The following ANO2 variants were observed in gnomAD, a reference collection of about 807,000 sequenced individuals.
The protein encoded by ANO2 is anoctamin-2.
ANO2 carries 101 observed loss-of-function variants against 124.2 expected under a neutral mutation model. The ratio of observed to expected loss-of-function variants is 0.81; its 90% CI spans 0.69 to 0.96. The LOEUF (loss-of-function observed/expected upper bound fraction) is 0.96. Among genes scored for constraint, ANO2 ranks in the 40% least tolerant of loss-of-function variants. ANO2 has a pLI of 0.00. For missense variants in ANO2, 1,293 were observed against 1,274.5 expected (o/e 1.01, Z -0.22); for synonymous variants, 486 against 482.5 (o/e 1.01, Z -0.09).
chr12:5,747,138 G>A (rs906049534), intron 11 of ANO2, among the ~76,000 whole-genome samples: 1 of 152,186 alleles, frequency 6.6e-6, no homozygotes, highest in Non-Finnish European at 1.5e-5. Flanking sequence ...AGAAGTGCAC[G>A]CTGGGCCCCT....
chr12:5,923,244 G>GCACACACACCCA (rs1941903495), intron 1 of ANO2, among the ~76,000 whole-genome samples: 2 of 110,402 alleles, frequency 1.8e-5, no homozygotes, highest in East Asian at 2.8e-4. Flanking sequence ...ATACACACAC[G>GCACACACACCCA]CATACACACA....
intron 12 of ANO2, among the ~76,000 whole-genome samples, chr12:5,743,472 CGT>C (rs112084814): frequency 0.081 from 12,046 of 149,484 alleles, 630 homozygotes; most frequent in Admixed American, 0.16. Context: ...TGAGAATAGG[CGT>C]GTGTGTGTGT....
At chr12:5,917,464 T>C (rs563212265) in intron 3 of ANO2, among the ~76,000 whole-genome samples, 1 of 152,242 alleles carries the variant, frequency 6.6e-6, no homozygotes, top group East Asian at 1.9e-4. Flanking sequence ...ATAATAGCAG[T>C]AATATTCTTT....
At chr12:5,820,445 C>A (rs928550120) in intron 7 of ANO2, among the ~76,000 whole-genome samples, 4 of 152,178 alleles carry the variant, frequency 2.6e-5, no homozygotes, top group African/African-American at 9.7e-5. Flanking sequence ...GTCTGACTTA[C>A]AGTGGGTCCA....
In ANO2 at chr12:5,807,337, A is replaced by G. The variant is rs768150389; in HGVS notation, c.924T>C (p.Tyr308=). The change falls in exon 8 of 25, where the codon TAT becomes TAC. Residue 308 remains tyrosine, a synonymous_variant. Transcript: ENST00000682330. ...GINSLIANNI[Y]EAAYPLHDGE... is the part of the protein sequence containing the mutation. The stretch of plus-strand genomic sequence containing the variant: ...CGTCATGAAGAGGGTAGGCAGCCTC[A>G]TAGATATTGTTTGCGATCAGAGAGT... 6.4e-7 allele frequency: 1 copy of G among 1,556,464 alleles called. No individual in the cohort carries two copies. The highest frequency in any genetic ancestry group is 1.4e-5 in the African/African-American group (1 of 73,612).
chr12:5,888,124 C>G (rs74830248), intron 3 of ANO2, among the ~76,000 whole-genome samples: 7 of 152,072 alleles, frequency 4.6e-5, no homozygotes, highest in African/African-American at 1.7e-4. Context: ...CGGATGTGTT[C>G]GGAGTTTCTT....
chr12:5,712,723 T>C (rs1458855957), intron 14 of ANO2, among the ~76,000 whole-genome samples: 1 of 152,092 alleles, frequency 6.6e-6, no homozygotes, highest in East Asian at 1.9e-4. Context: ...CCAGAGCAGA[T>C]GTCATTAGCC....
chr12:5,932,489 G>C (rs1942451965), intron 1 of ANO2, among the ~76,000 whole-genome samples: 1 of 149,346 alleles, frequency 6.7e-6, no homozygotes, highest in African/African-American at 2.5e-5. Context: ...AGTAAGGAAG[G>C]AAGACTGGTA....
intron 3 of ANO2, among the ~76,000 whole-genome samples, chr12:5,885,209 C>T (rs1455196755): frequency 1.3e-5 from 2 of 152,222 alleles, no homozygotes; most frequent in African/African-American, 4.8e-5. Context: ...TGGGTGGCCC[C>T]TGACTCATAT....
At chr12:5,934,026 G>A (rs1178971969) in intron 1 of ANO2, among the ~76,000 whole-genome samples, 1 of 152,194 alleles carries the variant, frequency 6.6e-6, no homozygotes, top group Non-Finnish European at 1.5e-5. Context: ...TTTTGAAACA[G>A]GATGGATTCC....
chr12:5,821,427 G>C (rs1029211770), intron 7 of ANO2, among the ~76,000 whole-genome samples: 1 of 152,218 alleles, frequency 6.6e-6, no homozygotes, highest in African/African-American at 2.4e-5. Context: ...ATGAAAGGCT[G>C]CCAGTTTTGA....
chr12:5,824,780 G>A (rs1352100087), intron 7 of ANO2, among the ~76,000 whole-genome samples: 2 of 152,242 alleles, frequency 1.3e-5, no homozygotes, highest in East Asian at 1.9e-4. Flanking sequence ...CCCGAGACTG[G>A]GAAGAAAAAG....
In ANO2 at chr12:5,843,778, A is replaced by T. The variant is rs1456516003; in HGVS notation, c.633+10265T>A. 3.9e-5 allele frequency among the ~76,000 whole-genome samples: 6 copies of T among 152,132 alleles called. No homozygotes were observed. The East Asian group carries it at 9.6e-4, about 24-fold the overall frequency. On this transcript the variant is annotated intron_variant, in intron 4 of 24. Coordinates refer to ENST00000682330, the MANE Select transcript of ANO2 (RefSeq NM_001364791.2). ...ATCATCCTGAGCGACTCTGCTAGGG[A>T]TCACAACCCAAACAAGATGCTGGGC...
chr12:5,620,878 T>C (rs1012602497), intron 16 of ANO2, among the ~76,000 whole-genome samples: 9 of 152,188 alleles, frequency 5.9e-5, no homozygotes, highest in Non-Finnish European at 1.2e-4. Flanking sequence ...TAGTTATGTA[T>C]GTTAGCAAAT....
rs1295948016 is a variant in ANO2, at chr12:5,923,225, CAT to C, written c.23-423_23-422del. ...GCACACACACCCACATACACACACA[CAT>C]GCACACATACACACACGCATACACA... On this transcript the variant is annotated intron_variant, in intron 1 of 24. Transcript: ENST00000682330. 1.7e-3 allele frequency among the ~76,000 whole-genome samples: 196 copies of C among 117,402 alleles called. 16 individuals carry two copies. Among genetic ancestry groups the C allele is most frequent in the African/African-American group, 5.1e-3 (179 of 35,182 alleles). The allele number at this position is 117,402 out of a possible 152,430, so 77.0% of individuals were successfully genotyped here.
chr12:5,801,522 G>A (rs1472885590), intron 9 of ANO2, among the ~76,000 whole-genome samples: 2 of 152,204 alleles, frequency 1.3e-5, no homozygotes, highest in African/African-American at 4.8e-5. Flanking sequence ...CAGCCCTACA[G>A]AGAGCCATCC....
intron 14 of ANO2, among the ~76,000 whole-genome samples, chr12:5,692,204 A>G (rs1261180623): frequency 6.6e-6 from 1 of 152,122 alleles, no homozygotes; most frequent in African/African-American, 2.4e-5. Flanking sequence ...AGAGTGAAAG[A>G]TGTTCAGAGC....
intron 3 of ANO2, among the ~76,000 whole-genome samples, chr12:5,906,429 T>C (rs112560638): frequency 1.8e-3 from 273 of 150,868 alleles, no homozygotes; most frequent in Non-Finnish European, 2.4e-3. Flanking sequence ...TGGGAGATGG[T>C]AGGATCACTT....
intron 14 of ANO2, among the ~76,000 whole-genome samples, chr12:5,717,931 C>A (rs1240518590): frequency 2.0e-5 from 3 of 152,178 alleles, no homozygotes; most frequent in Non-Finnish European, 4.4e-5. Context: ...CTTGGGCTGC[C>A]CCATCTGAAA....
Sources: gnomAD v4.1 joint callset for allele counts (sites outside exome capture counted in the v4.1 genomes callset) on GRCh38, gnomAD v4.1.1 for gene constraint, MANE v1.5 for transcripts, NCBI Gene and HGNC (gene_info 2026-07-23, HGNC 2026-07-21) for gene names.